WNT11: variants seen among roughly 807,000 people sequenced by gnomAD.
WNT11 encodes Wnt family member 11, also known as protein Wnt-11.
In WNT11, 20 loss-of-function variants were observed where a neutral mutation model predicts 35.6. The ratio of observed to expected loss-of-function variants is 0.56; its 90% CI spans 0.40 to 0.82. The LOEUF (loss-of-function observed/expected upper bound fraction) is 0.82. Among genes scored for constraint, WNT11 ranks in the 40% least tolerant of loss-of-function variants. The pLI is 0.00. For synonymous variants in WNT11, 200 were observed against 211.9 expected, an observed-to-expected ratio of 0.94 and a Z score of 0.49; for missense variants, 459 against 504.4, an observed-to-expected ratio of 0.91 and a Z score of 0.86.
chr11:76,188,127 G>A (rs1953126121), intron 4 of WNT11, among the ~76,000 whole-genome samples: 1 of 152,222 alleles, frequency 6.6e-6, no homozygotes, highest in African/African-American at 2.4e-5. Context: ...ACCCCCACTG[G>A]GCATCAGACA....
chr11:76,187,473 AT>A, intron 4 of WNT11, among the ~76,000 whole-genome samples: 1 of 151,874 alleles, frequency 6.6e-6, no homozygotes, highest in Non-Finnish European at 1.5e-5. Context: ...GTTTTCTTTT[AT>A]TTTTTTGAGA....
chr11:76,200,631 G>A (rs77315684), intron 1 of WNT11, among the ~76,000 whole-genome samples: 3,793 of 152,240 alleles, frequency 0.025, 156 homozygotes, highest in African/African-American at 0.086. Flanking sequence ...AGCAGGCCCC[G>A]TCATCCTTCT....
chr11:76,189,701 G>A (rs1953152623), intron 4 of WNT11, among the ~76,000 whole-genome samples: 1 of 152,114 alleles, frequency 6.6e-6, no homozygotes. Flanking sequence ...GGGACCCTCT[G>A]GGCTCCCTTC....
upstream of WNT11, chr11:76,210,423 T>C (rs1400259987): frequency 2.0e-6 from 2 of 985,306 alleles, no homozygotes; most frequent in African/African-American, 1.7e-5. Context: ...CCCCCAGCCC[T>C]GGCGGGTCCC....
chr11:76,196,442 A>C (rs779358270), intron 2 of WNT11, 41 bp downstream of exon 2: 6 of 1,603,160 alleles, frequency 3.7e-6, no homozygotes, highest in Non-Finnish European at 4.3e-6. Context: ...GAATTCCTTC[A>C]CCCGCACCCA....
At chr11:76,206,617 C>T, upstream of WNT11, 2 of 1,085,522 alleles carry the variant, frequency 1.8e-6, no homozygotes, top group Non-Finnish European at 2.3e-6. Context: ...CGGGCGTCCC[C>T]TCCCGCTCCG....
chr11:76,189,389 G>A (rs1212713777), intron 4 of WNT11, among the ~76,000 whole-genome samples: 1 of 152,186 alleles, frequency 6.6e-6, no homozygotes, highest in East Asian at 1.9e-4. Context: ...TGGCTCCCAG[G>A]GTACAGGGTG....
rs953845726 is a variant in WNT11, at chr11:76,190,558, G to A, written c.890+1006C>T. Among the ~76,000 whole-genome samples, 5 of 152,230 alleles carry A rather than the reference G, an allele frequency of 3.3e-5. No homozygotes were observed. In the East Asian group the frequency reaches 5.8e-4, roughly 18 times the overall value. ...AACGTGGGCTGCGGAGGAAGTCAAC[G>A]CTGGCTGTGCACCAACTATGTGCCA... On this transcript the variant is annotated intron_variant, in intron 4 of 4. Coordinates refer to ENST00000322563, the MANE Select transcript of WNT11 (RefSeq NM_004626.3).
chr11:76,201,022 G>A (rs1953366094), intron 1 of WNT11, among the ~76,000 whole-genome samples: 1 of 152,248 alleles, frequency 6.6e-6, no homozygotes, highest in South Asian at 2.1e-4. Flanking sequence ...TAAAGGAAGG[G>A]AGCCTGGTGC....
At chr11:76,191,075 G>A (rs569525049) in intron 4 of WNT11, among the ~76,000 whole-genome samples, 2 of 152,158 alleles carry the variant, frequency 1.3e-5, no homozygotes, top group Admixed American at 6.5e-5. Context: ...GTTGCTGCAC[G>A]GAATGCAGGC....
chr11:76,187,301 T>C, intron 4 of WNT11, 62 bp from the exon 5 acceptor site: 1 of 1,527,246 alleles, frequency 6.5e-7, no homozygotes, highest in Admixed American at 1.8e-5. Context: ...CAACACCCCA[T>C]GACTCCCAGC....
chr11:76,196,094 G>A (rs764512702), intron 2 of WNT11, among the ~76,000 whole-genome samples: 5 of 152,274 alleles, frequency 3.3e-5, no homozygotes, highest in Non-Finnish European at 5.9e-5. Context: ...TCTGCCCTGC[G>A]GGTGGGCTCT....
chr11:76,196,768 C>A, intron 1 of WNT11, 50 bp from the exon 2 acceptor site: 1 of 1,524,464 alleles, frequency 6.6e-7, no homozygotes, highest in South Asian at 1.2e-5. Context: ...ACAGGGTTGT[C>A]AGGGGCCACA....
At chr11:76,198,082 G>T (rs1436935402) in intron 1 of WNT11, among the ~76,000 whole-genome samples, 1 of 152,232 alleles carries the variant, frequency 6.6e-6, no homozygotes, top group African/African-American at 2.4e-5. Flanking sequence ...GCAAGGTAGA[G>T]ATCCCAGAAC....
chr11:76,195,035 C>G, intron 2 of WNT11, 191 bp from the exon 3 acceptor site: 1 of 674,038 alleles, frequency 1.5e-6, no homozygotes, highest in Non-Finnish European at 2.4e-6. Flanking sequence ...CAGCCACACT[C>G]AGGACCCCAC....
intron 4 of WNT11, among the ~76,000 whole-genome samples, chr11:76,188,865 G>A (rs574493137): frequency 5.6e-4 from 86 of 152,350 alleles, no homozygotes; most frequent in Middle Eastern, 3.4e-3. Flanking sequence ...GGCAGAAGAC[G>A]AGGCCTGCCC....
At position 76,194,522 on chromosome 11, in the gene WNT11, T is replaced by C. The variant is rs1307355284; in HGVS notation, c.597+45A>G. On this transcript the variant is annotated intron_variant, in intron 3 of 4. Transcript: ENST00000322563. This position sits in a 1 kb window ranked among gnomAD's most constrained non-coding sequence, Gnocchi z 5.4. Reference sequence around the variant, plus strand: ...AGCTGGGTGGCCCTTTTCTGGCCAATGGCACAAGCACAACTATCTGGGGGT... The same window carrying C: ...AGCTGGGTGGCCCTTTTCTGGCCAACGGCACAAGCACAACTATCTGGGGGT... 2.0e-5 allele frequency: 28 copies of C among 1,423,930 alleles called. 1 individual carries two copies. Among genetic ancestry groups the C allele is most frequent in the South Asian group, 4.0e-5 (3 of 74,368 alleles). 88.2% of individuals were successfully genotyped at this position (1,423,930 alleles called of 1,614,324 possible). A position where few individuals can be genotyped will look rare whatever the true frequency, so the allele number is the denominator to read the frequency against.
chr11:76,201,485 C>G (rs776545497), intron 1 of WNT11, among the ~76,000 whole-genome samples: 2 of 152,192 alleles, frequency 1.3e-5, no homozygotes, highest in Non-Finnish European at 2.9e-5. Context: ...ACATCTTGCT[C>G]GCTTCACTCC....
rs73500081 is a variant in WNT11 at position 76,186,780 on chromosome 11, C to G, written c.*285G>C. 3.7e-4 allele frequency: 200 copies of G among 544,456 alleles called. No homozygotes were observed. The highest frequency in any genetic ancestry group is 3.7e-3 in the African/African-American group (196 of 53,420). The allele number at this position is 544,456 out of a possible 1,614,324, so 33.7% of individuals were successfully genotyped here. ...TCAAGTCTGTATCAGTCTCACCGATCCCAAGCCCCGCTCCTTACACCAGCC... is the reference window on the plus strand; with the variant it reads ...TCAAGTCTGTATCAGTCTCACCGATGCCAAGCCCCGCTCCTTACACCAGCC... On this transcript the variant is annotated 3_prime_UTR_variant, in exon 5 of 5. Coordinates refer to ENST00000322563, the MANE Select transcript of WNT11 (RefSeq NM_004626.3).
Sources: gnomAD v4.1 joint callset for allele counts (sites outside exome capture counted in the v4.1 genomes callset) on GRCh38, gnomAD v4.1.1 for gene constraint, Gnocchi (gnomAD v3.1) non-coding constraint, MANE v1.5 for transcripts, NCBI Gene and HGNC (gene_info 2026-07-23, HGNC 2026-07-21) for gene names.